The following SH3RF3 variants were observed in gnomAD, a reference collection of about 807,000 sequenced individuals.
The protein encoded by SH3RF3 is E3 ubiquitin-protein ligase SH3RF3.
A neutral mutation model predicts 66.3 loss-of-function variants in SH3RF3; 29 were observed. The ratio of observed to expected loss-of-function variants is 0.44; its 90% CI spans 0.33 to 0.60. SH3RF3 has a LOEUF of 0.60. Among genes scored for constraint, SH3RF3 ranks in the 20% least tolerant of loss-of-function variants. SH3RF3 has a pLI of 0.04. For missense variants in SH3RF3, 1,194 were observed against 1,190.9 expected (o/e 1.00, Z -0.04); for synonymous variants, 583 against 532.0 (o/e 1.10, Z -1.32).
At position 109,445,655 on chromosome 2, in the gene SH3RF3, G is replaced by C. The variant is rs528887776; in HGVS notation, c.1829-3515G>C. ...TAAAGAGGCTAAATATATGAGAGAA[G>C]GGATGAGCCAGAGAAGGTATCAAGG... On this transcript the variant is annotated intron_variant, in intron 7 of 9. Transcript: ENST00000309415. Among the ~76,000 whole-genome samples, 25 of 151,866 alleles carry C rather than the reference G, an allele frequency of 1.6e-4. No individual in the cohort carries two copies. The South Asian group carries it at 5.2e-3, about 32-fold the overall frequency.
intron 4 of SH3RF3, among the ~76,000 whole-genome samples, chr2:109,401,632 G>A (rs1402552826): frequency 6.6e-6 from 1 of 152,226 alleles, no homozygotes; most frequent in Non-Finnish European, 1.5e-5. Context: ...CAAAGCTGCT[G>A]CTGTGTCCCA....
intron 8 of SH3RF3, among the ~76,000 whole-genome samples, chr2:109,483,948 C>T (rs1021529527): frequency 3.9e-5 from 6 of 152,176 alleles, no homozygotes; most frequent in Admixed American, 2.0e-4. Flanking sequence ...CCACAACCCC[C>T]GCCATCCCTG....
chr2:109,270,742 A>G (rs1013529910), intron 1 of SH3RF3, among the ~76,000 whole-genome samples: 1 of 152,126 alleles, frequency 6.6e-6, no homozygotes, highest in African/African-American at 2.4e-5. Flanking sequence ...TACTCCTCTT[A>G]TGTAGATTGA....
chr2:109,312,560 C>T (rs1474171761), intron 1 of SH3RF3, among the ~76,000 whole-genome samples: 1 of 151,780 alleles, frequency 6.6e-6, no homozygotes, highest in Non-Finnish European at 1.5e-5. Context: ...CCCAGGCCAC[C>T]ACAACCTGCT....
intron 3 of SH3RF3, among the ~76,000 whole-genome samples, chr2:109,398,361 A>G (rs1260908660): frequency 1.3e-5 from 2 of 152,038 alleles, no homozygotes; most frequent in Non-Finnish European, 2.9e-5. Context: ...TTCTTTCTCT[A>G]TGAGTCCCCT....
chr2:109,328,251 A>T (rs1399753025), intron 1 of SH3RF3, among the ~76,000 whole-genome samples: 1 of 152,188 alleles, frequency 6.6e-6, no homozygotes, highest in Non-Finnish European at 1.5e-5. Context: ...TCAAACCTGG[A>T]TTCAAATAAG....
intron 1 of SH3RF3, among the ~76,000 whole-genome samples, chr2:109,152,858 C>T (rs1677255928): frequency 6.6e-6 from 1 of 152,154 alleles, no homozygotes; most frequent in Admixed American, 6.5e-5. Context: ...GTCTTTCAAA[C>T]TTTAAGAGTA....
chr2:109,445,147 C>T (rs1399713532), intron 7 of SH3RF3, among the ~76,000 whole-genome samples: 1 of 151,980 alleles, frequency 6.6e-6, no homozygotes, highest in African/African-American at 2.4e-5. Flanking sequence ...GAATACAGAG[C>T]AGAGATGAAA....
At chr2:109,337,178 T>G (rs1482257110) in intron 1 of SH3RF3, among the ~76,000 whole-genome samples, 1 of 152,200 alleles carries the variant, frequency 6.6e-6, no homozygotes, top group Non-Finnish European at 1.5e-5. Flanking sequence ...ATAGGGTGAT[T>G]TTTTCCTGAG....
At chr2:109,305,053 T>C (rs1003715853) in intron 1 of SH3RF3, among the ~76,000 whole-genome samples, 1 of 152,204 alleles carries the variant, frequency 6.6e-6, no homozygotes, top group Admixed American at 6.5e-5. Flanking sequence ...TTTGTTGCGG[T>C]TCCCCGTCTG....
At chr2:109,266,868 G>A (rs1680508884) in intron 1 of SH3RF3, among the ~76,000 whole-genome samples, 1 of 152,184 alleles carries the variant, frequency 6.6e-6, no homozygotes, top group African/African-American at 2.4e-5. Flanking sequence ...GGAGACCACT[G>A]CTGCAGACCG....
chr2:109,379,097 G>A (rs1683454551), intron 3 of SH3RF3, among the ~76,000 whole-genome samples: 1 of 152,210 alleles, frequency 6.6e-6, no homozygotes, highest in Non-Finnish European at 1.5e-5. Context: ...CGCCGCTCTT[G>A]GTGATTGCTG....
intron 1 of SH3RF3, among the ~76,000 whole-genome samples, chr2:109,238,132 G>C (rs1679690019): frequency 1.3e-5 from 2 of 152,124 alleles, no homozygotes; most frequent in African/African-American, 4.8e-5. Context: ...CCTTGGAGTT[G>C]GAGGCTGCAG....
intron 1 of SH3RF3, among the ~76,000 whole-genome samples, chr2:109,130,816 C>G (rs924855349): frequency 2.6e-5 from 4 of 152,114 alleles, no homozygotes; most frequent in African/African-American, 9.7e-5. Context: ...TTCGCTGCTT[C>G]TGTTTTAGAC....
At chr2:109,455,996 A>G (rs535276096) in intron 8 of SH3RF3, among the ~76,000 whole-genome samples, 6 of 152,266 alleles carry the variant, frequency 3.9e-5, no homozygotes, top group African/African-American at 1.2e-4. Context: ...CTTAGGGGAG[A>G]CCTGCCCTGC....
At chr2:109,215,207 C>T (rs1238462588) in intron 1 of SH3RF3, among the ~76,000 whole-genome samples, 1 of 152,208 alleles carries the variant, frequency 6.6e-6, no homozygotes, top group African/African-American at 2.4e-5. Context: ...GTAACCTCCC[C>T]TCATGGTCCC....
Position 109,412,402 on chromosome 2 carries a change from A to G in SH3RF3, c.1300-7137A>G, listed in dbSNP as rs375502727. 6.6e-5 allele frequency among the ~76,000 whole-genome samples: 10 copies of G among 152,234 alleles called. No individual in the cohort carries two copies. The East Asian group carries it at 9.6e-4, about 15-fold the overall frequency. Reference sequence around the variant, plus strand: ...GCTCTGGCTGTGCTTTGCTTGTGCTATGCTGGTTTGGGACAGCTTGGCTGT... The same window carrying G: ...GCTCTGGCTGTGCTTTGCTTGTGCTGTGCTGGTTTGGGACAGCTTGGCTGT... On this transcript the variant is annotated intron_variant, in intron 4 of 9. Coordinates refer to ENST00000309415, the MANE Select transcript of SH3RF3 (RefSeq NM_001099289.3).
chr2:109,472,671 T>C (rs1199229778), intron 8 of SH3RF3, among the ~76,000 whole-genome samples: 1 of 152,176 alleles, frequency 6.6e-6, no homozygotes, highest in Admixed American at 6.5e-5. Context: ...GTGTGTTTAA[T>C]TTTTCCTGTT....
At chr2:109,276,150 G>A (rs1680753261) in intron 1 of SH3RF3, among the ~76,000 whole-genome samples, 1 of 152,204 alleles carries the variant, frequency 6.6e-6, no homozygotes, top group African/African-American at 2.4e-5. Context: ...ACGAGGGTTC[G>A]AGTTAGGAGC....
Sources: gnomAD v4.1 joint callset for allele counts (sites outside exome capture counted in the v4.1 genomes callset) on GRCh38, gnomAD v4.1.1 for gene constraint, MANE v1.5 for transcripts, NCBI Gene and HGNC (gene_info 2026-07-23, HGNC 2026-07-21) for gene names.